Variants in CDH18 observed in about 807,000 individuals in gnomAD.
CDH18 encodes cadherin 18, also known as cadherin-18.
CDH18 carries 31 observed loss-of-function variants against 67.9 expected under a neutral mutation model. The observed-to-expected ratio is 0.46, with a 90% CI of 0.34 to 0.62. The LOEUF is 0.62. CDH18 is among the 20% of genes least tolerant of loss of function. CDH18 has a pLI of 0.01. For missense variants in CDH18, 890 were observed against 975.5 expected (o/e 0.91, Z 1.17); for synonymous variants, 362 against 347.2 (o/e 1.04, Z -0.48).
At chr5:20,184,683 A>G (rs116085272) in intron 2 of CDH18, among the ~76,000 whole-genome samples, 3,320 of 152,216 alleles carry the variant, frequency 0.022, 63 homozygotes, top group Non-Finnish European at 0.031. Flanking sequence ...TAGTTGGTCT[A>G]TTGAAGATAT....
chr5:20,104,441 G>A (rs1312940648), intron 2 of CDH18, among the ~76,000 whole-genome samples: 1 of 152,220 alleles, frequency 6.6e-6, no homozygotes, highest in East Asian at 1.9e-4. Context: ...TATAAAGTGA[G>A]AGAACAAGAG....
At chr5:20,032,966 C>T (rs1739532064) in intron 2 of CDH18, among the ~76,000 whole-genome samples, 1 of 151,874 alleles carries the variant, frequency 6.6e-6, no homozygotes, top group Non-Finnish European at 1.5e-5. Flanking sequence ...AGCTCTATTA[C>T]TTTAAGTTGC....
chr5:20,381,184 C>A (rs1743881368), intron 1 of CDH18, among the ~76,000 whole-genome samples: 1 of 152,108 alleles, frequency 6.6e-6, no homozygotes, highest in Non-Finnish European at 1.5e-5. Flanking sequence ...AAATACCCGT[C>A]AGTATCTTGA....
chr5:20,404,833 A>G lies in CDH18; in HGVS notation c.-579-149328T>C, dbSNP rs369294274. On this transcript the variant is annotated intron_variant, in intron 1 of 14. Coordinates refer to the CDH18 transcript ENST00000507958. ...GCTATAAACCTTACATTTGTAAAAG[A>G]GCAATATATGTGAAGCGCAATAAAG... is the stretch of plus-strand genomic sequence containing the variant. Among the ~76,000 whole-genome samples, 30 of 152,288 alleles carry G rather than the reference A, an allele frequency of 2.0e-4. No homozygotes were observed. The East Asian group carries it at 2.3e-3, about 12-fold the overall frequency.
intron 1 of CDH18, among the ~76,000 whole-genome samples, chr5:20,400,239 G>T (rs1745643749): frequency 6.6e-6 from 1 of 152,042 alleles, no homozygotes; most frequent in Admixed American, 6.6e-5. Flanking sequence ...CAGACCCTTT[G>T]GGAGCTGAGA....
At chr5:20,071,791 T>C (rs552974078) in intron 2 of CDH18, among the ~76,000 whole-genome samples, 1 of 152,228 alleles carries the variant, frequency 6.6e-6, no homozygotes, top group African/African-American at 2.4e-5. Flanking sequence ...CTTTGAAATA[T>C]GTTTCCCTTC....
intron 1 of CDH18, among the ~76,000 whole-genome samples, chr5:20,363,497 A>AC (rs61472428): frequency 1.3e-5 from 2 of 150,150 alleles, no homozygotes; most frequent in Non-Finnish European, 3.0e-5. Flanking sequence ...AAAAAAAAAA[A>AC]GCCAGCATGT....
At chr5:20,398,682 T>C (rs76503302) in intron 1 of CDH18, among the ~76,000 whole-genome samples, 4 of 151,266 alleles carry the variant, frequency 2.6e-5, no homozygotes, top group African/African-American at 2.4e-5. Context: ...CACATATACC[T>C]ATGTAAAAAA....
intron 2 of CDH18, among the ~76,000 whole-genome samples, chr5:20,239,660 T>C (rs539489435): frequency 6.6e-6 from 1 of 152,300 alleles, no homozygotes; most frequent in Non-Finnish European, 1.5e-5. Context: ...TTGCATCACA[T>C]TTTGCACTCT....
chr5:20,390,488 A>T (rs1357925121), intron 1 of CDH18, among the ~76,000 whole-genome samples: 2 of 152,176 alleles, frequency 1.3e-5, no homozygotes, highest in African/African-American at 2.4e-5. Context: ...TCAGGAAACA[A>T]CAGGTGCTGG....
intron 2 of CDH18, among the ~76,000 whole-genome samples, chr5:19,899,917 C>A (rs1789755443): frequency 6.6e-6 from 1 of 152,016 alleles, no homozygotes; most frequent in South Asian, 2.1e-4. Flanking sequence ...AAAAAGGTGG[C>A]TTCCAGGGCC....
intron 1 of CDH18, among the ~76,000 whole-genome samples, chr5:20,463,983 T>C (rs1365285135): frequency 6.6e-6 from 1 of 152,158 alleles, no homozygotes; most frequent in African/African-American, 2.4e-5. Flanking sequence ...GATGGTATCA[T>C]GAACCTCTGG....
intron 2 of CDH18, among the ~76,000 whole-genome samples, chr5:20,242,127 G>A (rs1742974840): frequency 6.6e-6 from 1 of 151,312 alleles, no homozygotes; most frequent in Non-Finnish European, 1.5e-5. Context: ...ACTTTACAAT[G>A]GAAATAAAAG....
intron 2 of CDH18, among the ~76,000 whole-genome samples, chr5:20,164,328 C>G (rs1486317584): frequency 6.6e-6 from 1 of 151,792 alleles, no homozygotes; most frequent in Non-Finnish European, 1.5e-5. Flanking sequence ...CTCTTGTTGC[C>G]CAGGCTGTAG....
chr5:20,349,388 G>A (rs1580808249), intron 1 of CDH18, among the ~76,000 whole-genome samples: 1 of 152,002 alleles, frequency 6.6e-6, no homozygotes, highest in African/African-American at 2.4e-5. Context: ...TTGAATACTC[G>A]GGAACCTCTG....
At chr5:20,565,538 G>T (rs1180440428) in intron 1 of CDH18, among the ~76,000 whole-genome samples, 1 of 152,040 alleles carries the variant, frequency 6.6e-6, no homozygotes, top group Non-Finnish European at 1.5e-5. Flanking sequence ...ATCACAACTT[G>T]ACTGCTGTGG....
rs536142922 is a variant in CDH18, at chr5:19,981,151, T to C, written c.-348A>G. Reference sequence around the variant, plus strand: ...GGATAGATCTGTAACTGGCTCCCTGTTTCTGTTCTTGCTCCTCTTCAGTCT... The same window carrying C: ...GGATAGATCTGTAACTGGCTCCCTGCTTCTGTTCTTGCTCCTCTTCAGTCT... On this transcript the variant is annotated 5_prime_UTR_variant, in exon 2 of 13. Transcript: ENST00000382275. The C allele has an allele frequency of 2.6e-5, 4 of 152,340 alleles. No individual in the cohort carries two copies. The highest frequency in any genetic ancestry group is 2.1e-4 in the South Asian group (1 of 4,836). The allele number at this position is 152,340 out of a possible 1,614,324, so 9.4% of individuals were successfully genotyped here. A position where few individuals can be genotyped will look rare whatever the true frequency, so the allele number is the denominator to read the frequency against.
At chr5:20,437,694 GT>G in intron 1 of CDH18, among the ~76,000 whole-genome samples, 1 of 151,510 alleles carries the variant, frequency 6.6e-6, no homozygotes, top group Admixed American at 6.6e-5. Context: ...GAGTTTGCAT[GT>G]TTTTTAAGTA....
chr5:20,256,740 TAA>T (rs1744261416), intron 1 of CDH18, among the ~76,000 whole-genome samples: 1 of 151,938 alleles, frequency 6.6e-6, no homozygotes, highest in Non-Finnish European at 1.5e-5. Flanking sequence ...GACTGGTATC[TAA>T]GAGAAAAAAA....
Sources: gnomAD v4.1 joint callset for allele counts (sites outside exome capture counted in the v4.1 genomes callset) on GRCh38, gnomAD v4.1.1 for gene constraint, MANE v1.5 for transcripts, NCBI Gene and HGNC (gene_info 2026-07-23, HGNC 2026-07-21) for gene names.